CSMD1: variants seen among roughly 807,000 people sequenced by gnomAD.
CSMD1 encodes CUB and Sushi multiple domains 1.
A neutral mutation model predicts 417.5 loss-of-function variants in CSMD1; 213 were observed. That is an observed-to-expected ratio of 0.51 (90% CI 0.46 to 0.57). CSMD1 has a LOEUF of 0.57. Among genes scored for constraint, CSMD1 ranks in the 20% least tolerant of loss-of-function variants. The probability of loss-of-function intolerance (pLI) is 0.00; values close to 1 mark genes in which losing one functional copy is unlikely to be tolerated. For synonymous variants in CSMD1, 2,862 were observed against 1,736.8 expected (o/e 1.65, Z -16.11); for missense variants, 6,923 against 4,529.7 (o/e 1.53, Z -15.17).
intron 2 of CSMD1, among the ~76,000 whole-genome samples, chr8:4,585,739 A>C (rs905401591): frequency 2.0e-5 from 3 of 152,218 alleles, no homozygotes; most frequent in Admixed American, 6.5e-5. Context: ...ATGATGACCA[A>C]CATAGAGCTC....
chr8:4,346,813 G>A (rs143647915), intron 3 of CSMD1, among the ~76,000 whole-genome samples: 2 of 152,274 alleles, frequency 1.3e-5, no homozygotes, highest in African/African-American at 4.8e-5. Flanking sequence ...ATGTCCCGCT[G>A]TAGAAATCCA....
chr8:4,028,585 C>T (rs1797183146), intron 4 of CSMD1, among the ~76,000 whole-genome samples: 1 of 152,134 alleles, frequency 6.6e-6, no homozygotes, highest in East Asian at 1.9e-4. Flanking sequence ...TATAATGTTA[C>T]ATGATGACTT....
intron 12 of CSMD1, among the ~76,000 whole-genome samples, chr8:3,423,442 T>C (rs1281767299): frequency 6.6e-6 from 1 of 152,216 alleles, no homozygotes; most frequent in Admixed American, 6.5e-5. Flanking sequence ...CACATTTTTG[T>C]CTCTGGTTTC....
chr8:4,438,930 G>C (rs986636896), intron 2 of CSMD1, among the ~76,000 whole-genome samples: 2 of 152,314 alleles, frequency 1.3e-5, no homozygotes, highest in Admixed American at 6.5e-5. Context: ...ACAATATATG[G>C]TGTAGGATTC....
intron 7 of CSMD1, among the ~76,000 whole-genome samples, chr8:3,655,101 T>C (rs968032574): frequency 6.6e-6 from 1 of 152,236 alleles, no homozygotes; most frequent in African/African-American, 2.4e-5. Context: ...TCATTCAAAA[T>C]ATGAAAATAC....
At chr8:3,727,761 A>G (rs1465173066) in intron 6 of CSMD1, among the ~76,000 whole-genome samples, 1 of 152,202 alleles carries the variant, frequency 6.6e-6, no homozygotes, top group Non-Finnish European at 1.5e-5. Flanking sequence ...ATCTGACCAT[A>G]TAATCGGTTA....
intron 1 of CSMD1, among the ~76,000 whole-genome samples, chr8:4,645,792 C>G (rs1402790151): frequency 6.6e-6 from 1 of 152,052 alleles, no homozygotes; most frequent in Admixed American, 6.6e-5. Flanking sequence ...CTGCCTTTAC[C>G]CTGTTGTCCT....
intron 2 of CSMD1, among the ~76,000 whole-genome samples, chr8:4,521,614 C>A (rs1803452051): frequency 6.6e-6 from 1 of 152,078 alleles, no homozygotes. Context: ...ACAAAAATAA[C>A]AGAATTGCAA....
At chr8:3,948,018 C>G (rs1183746422) in intron 5 of CSMD1, among the ~76,000 whole-genome samples, 5 of 152,002 alleles carry the variant, frequency 3.3e-5, no homozygotes, top group African/African-American at 7.2e-5. Context: ...CCAGCCTGGC[C>G]AACATGGTAA....
At chr8:3,739,314 G>T (rs760210681) in intron 6 of CSMD1, among the ~76,000 whole-genome samples, 2 of 152,162 alleles carry the variant, frequency 1.3e-5, no homozygotes, top group Non-Finnish European at 2.9e-5. Context: ...AGCTAGACAG[G>T]ATGAATCTGT....
At chr8:3,229,315 T>A (rs1585721473) in intron 27 of CSMD1, among the ~76,000 whole-genome samples, 2 of 152,316 alleles carry the variant, frequency 1.3e-5, no homozygotes, top group African/African-American at 4.8e-5. Flanking sequence ...AGTTCAGTAG[T>A]TTCTTTTTAA....
chr8:4,284,373 C>T (rs550926162), intron 3 of CSMD1, among the ~76,000 whole-genome samples: 1 of 136,036 alleles, frequency 7.4e-6, no homozygotes, highest in Non-Finnish European at 1.6e-5. Context: ...CAACCCCCCC[C>T]ACCCACCCTC....
chr8:4,411,361 A>C (rs936503922), intron 3 of CSMD1, among the ~76,000 whole-genome samples: 1 of 152,124 alleles, frequency 6.6e-6, no homozygotes, highest in Admixed American at 6.5e-5. Context: ...TTGATTTCTT[A>C]CATTAAAAAA....
At chr8:4,355,432 T>G in intron 3 of CSMD1, among the ~76,000 whole-genome samples, 1 of 152,162 alleles carries the variant, frequency 6.6e-6, no homozygotes, top group Non-Finnish European at 1.5e-5. Flanking sequence ...GTATCTTCTT[T>G]ATGTGTTTGC....
intron 10 of CSMD1, among the ~76,000 whole-genome samples, chr8:3,541,649 T>G (rs1337540762): frequency 6.7e-6 from 1 of 149,900 alleles, no homozygotes; most frequent in Non-Finnish European, 1.5e-5. Context: ...ACTAATCAAA[T>G]TAATCAAAAT....
chr8:4,048,127 C>T (rs1044914952), intron 3 of CSMD1, among the ~76,000 whole-genome samples: 3 of 152,144 alleles, frequency 2.0e-5, no homozygotes, highest in African/African-American at 7.2e-5. Context: ...TCTAAACATA[C>T]TTGCCTAAGG....
At chr8:4,424,127 G>C (rs1310701524) in intron 2 of CSMD1, among the ~76,000 whole-genome samples, 1 of 151,856 alleles carries the variant, frequency 6.6e-6, no homozygotes, top group Non-Finnish European at 1.5e-5. Flanking sequence ...TTTGAGTCTA[G>C]GGCTAGACAG....
At chr8:3,323,259 T>C (rs1176885088) in intron 23 of CSMD1, among the ~76,000 whole-genome samples, 2 of 152,186 alleles carry the variant, frequency 1.3e-5, no homozygotes. Context: ...CTCAACATTC[T>C]TGCACCCTTA....
At chr8:3,793,993 T>C (rs2129068809) in intron 5 of CSMD1, among the ~76,000 whole-genome samples, 1 of 152,292 alleles carries the variant, frequency 6.6e-6, no homozygotes, top group Admixed American at 6.5e-5. Context: ...TTCCTCTTCC[T>C]GAACCCCTGC....
Sources: gnomAD v4.1 joint callset for allele counts (sites outside exome capture counted in the v4.1 genomes callset) on GRCh38, gnomAD v4.1.1 for gene constraint, MANE v1.5 for transcripts, NCBI Gene and HGNC (gene_info 2026-07-23, HGNC 2026-07-21) for gene names.